The following COL4A6 variants were observed in gnomAD, a reference collection of about 807,000 sequenced individuals.
COL4A6 encodes collagen type IV alpha 6 chain, also known as collagen alpha-6(IV) chain.
COL4A6 carries 59 observed loss-of-function variants against 126.7 expected under a neutral mutation model. The observed-to-expected ratio is 0.47, with a 90% CI of 0.38 to 0.58. The LOEUF (loss-of-function observed/expected upper bound fraction) is 0.58, where lower values mean the gene tolerates loss of function less well. COL4A6 is among the 20% of genes least tolerant of loss of function. COL4A6 has a pLI of 0.00. For missense variants in COL4A6, 1,285 were observed against 1,337.3 expected (o/e 0.96, Z 0.61); for synonymous variants, 547 against 496.6 (o/e 1.10, Z -1.35).
intron 31 of COL4A6, 123 bp from the exon 32 acceptor site, chrX:108,172,655 T>C (rs760051556): frequency 2.6e-5 from 13 of 505,765 alleles, no homozygotes; most frequent in Non-Finnish European, 3.7e-5. Flanking sequence ...GTGGCAAGGG[T>C]GGACTGTGGG....
In COL4A6 at chrX:108,174,446, T is replaced by C; in HGVS notation, c.3132A>G (p.Gly1044=). The part of the protein sequence containing the change: ...SGITGFPGMP[G]ESGSQGIRGS... Reference sequence around the variant, plus strand: ...AAGATCTGGTCACACTTACACTTTCTCCTGGCATTCCTGGGAAACCTGTGA... The same window carrying C: ...AAGATCTGGTCACACTTACACTTTCCCCTGGCATTCCTGGGAAACCTGTGA... Residue 1044 remains glycine, a synonymous_variant, in exon 31 of 45, where the codon GGA becomes GGG. Transcript: ENST00000334504. The C allele has an allele frequency of 8.3e-7, 1 of 1,210,534 alleles. No individual in the cohort carries two copies. The highest frequency in any genetic ancestry group is 1.7e-5 in the African/African-American group (1 of 57,536).
chrX:108,205,331 C>T, intron 11 of COL4A6, 108 bp downstream of exon 11: 3 of 661,017 alleles, frequency 4.5e-6, no homozygotes, highest in Non-Finnish European at 7.3e-6. Context: ...ATATTCATTT[C>T]CCAAGGCGAA....
At chrX:108,196,622 TG>T (rs2035227244) in intron 13 of COL4A6, 43 bp from the exon 14 acceptor site, 1 of 1,077,787 alleles carries the variant, frequency 9.3e-7, no homozygotes, top group African/African-American at 1.8e-5. Flanking sequence ...TTTGTTTTCT[TG>T]TCGGTCTCCT....
intron 8 of COL4A6, among the ~76,000 whole-genome samples, chrX:108,207,631 T>C (rs925914361): frequency 8.9e-6 from 1 of 112,057 alleles, no homozygotes; most frequent in Non-Finnish European, 1.9e-5. Flanking sequence ...GAAATTTTTT[T>C]TTTATAAAAG....
chrX:108,279,914 AG>A (rs1183187215), intron 3 of COL4A6, among the ~76,000 whole-genome samples: 2 of 111,611 alleles, frequency 1.8e-5, no homozygotes, highest in Non-Finnish European at 3.8e-5. Context: ...AACGAAATGA[AG>A]GCAGAATTAA....
intron 5 of COL4A6, 77 bp from the exon 6 acceptor site, chrX:108,214,305 G>A (rs1301317560): frequency 1.5e-6 from 1 of 686,911 alleles, no homozygotes; most frequent in Non-Finnish European, 2.2e-6. Context: ...AGCGAGAAAA[G>A]CCAAGCATGC....
chrX:108,167,946 T>C, intron 37 of COL4A6, among the ~76,000 whole-genome samples: 1 of 111,840 alleles, frequency 8.9e-6, no homozygotes, highest in East Asian at 2.8e-4. Flanking sequence ...CTCCTGAATT[T>C]TGTTCATCAT....
At chrX:108,424,121 A>T (rs980404951) in intron 2 of COL4A6, among the ~76,000 whole-genome samples, 1 of 111,669 alleles carries the variant, frequency 9.0e-6, no homozygotes, top group Non-Finnish European at 1.9e-5. Flanking sequence ...GCAAAAGAAA[A>T]CCCGATTGAT....
chrX:108,171,381 C>A lies in COL4A6; in HGVS notation c.3277+6G>T, dbSNP rs775836782. The A allele has an allele frequency of 8.3e-7, 1 of 1,207,027 alleles. No homozygotes were observed. Among genetic ancestry groups the A allele is most frequent in the African/African-American group, 1.7e-5 (1 of 57,593 alleles). ...GGCAAACAAGACAAAAATATAGCAA[C>A]CTTACCTTTAAAACCAGATTCGCCA... On this transcript the variant is annotated splice_donor_region_variant and intron_variant, in intron 33 of 44. Transcript: ENST00000334504.
chrX:108,189,890 ATAAT>A (rs2034984953), intron 20 of COL4A6, among the ~76,000 whole-genome samples: 1 of 112,087 alleles, frequency 8.9e-6, no homozygotes, highest in Non-Finnish European at 1.9e-5. Flanking sequence ...AGCCACAACC[ATAAT>A]TAATTGACTT....
chrX:108,178,516 T>C (rs2034570844), intron 27 of COL4A6, among the ~76,000 whole-genome samples, 168 bp downstream of exon 27: 1 of 112,576 alleles, frequency 8.9e-6, no homozygotes, highest in Non-Finnish European at 1.9e-5. Context: ...TCTGTTCTGC[T>C]TGGTACTGCA....
chrX:108,180,624 T>G lies in COL4A6; in HGVS notation c.2024-2A>C, dbSNP rs951661134. On this transcript the variant is annotated splice_acceptor_variant, in intron 24 of 44. Coordinates refer to ENST00000334504, the MANE Select transcript of COL4A6 (RefSeq NM_033641.4). LOFTEE classifies it high-confidence loss of function. ...GGAGGCCTCGAGACCCTTTAGGGCC[T>G]GAAAACCCAAATGTAAGCAATGAGG... The G allele has an allele frequency of 4.3e-6, 5 of 1,167,133 alleles. No homozygotes were observed. The highest frequency in any genetic ancestry group is 4.6e-6 in the Non-Finnish European group (4 of 871,972).
chrX:108,439,323 A>G, upstream of COL4A6: 1 of 702,250 alleles, frequency 1.4e-6, no homozygotes, highest in Non-Finnish European at 2.1e-6. Flanking sequence ...TATAACACAC[A>G]TAAAGTATTC....
chrX:108,279,851 G>A (rs766444185), intron 3 of COL4A6, among the ~76,000 whole-genome samples: 11 of 111,489 alleles, frequency 9.9e-5, no homozygotes, highest in South Asian at 3.8e-4. Context: ...AATCAAAACC[G>A]CACAACTACA....
chrX:108,373,328 T>C (rs1159282765), intron 2 of COL4A6, among the ~76,000 whole-genome samples: 1 of 112,157 alleles, frequency 8.9e-6, no homozygotes, highest in Non-Finnish European at 1.9e-5. Flanking sequence ...TGAGGTCTAC[T>C]GAAAACTTGA....
chrX:108,439,330 A>G (rs1239685526), upstream of COL4A6: 2 of 733,746 alleles, frequency 2.7e-6, no homozygotes, highest in South Asian at 5.6e-5. Flanking sequence ...CACATAAAGT[A>G]TTCACGCACA....
chrX:108,354,605 C>A (rs1315497598), intron 2 of COL4A6, among the ~76,000 whole-genome samples: 23 of 93,060 alleles, frequency 2.5e-4, no homozygotes, highest in African/African-American at 3.6e-4. Flanking sequence ...CCCTCCCCCC[C>A]CCCTTTTTTT....
intron 3 of COL4A6, among the ~76,000 whole-genome samples, chrX:108,274,995 G>A (rs1385703775): frequency 6.3e-5 from 7 of 110,953 alleles, no homozygotes; most frequent in Non-Finnish European, 1.3e-4. Context: ...GCGGGGGTGG[G>A]AGTCTTAGAA....
intron 2 of COL4A6, among the ~76,000 whole-genome samples, chrX:108,428,271 G>C (rs73638843): frequency 0.078 from 8,763 of 112,047 alleles, 732 homozygotes; most frequent in African/African-American, 0.25. Flanking sequence ...GGCCCTTGGG[G>C]CACAAGTTGG....
Sources: allele counts gnomAD v4.1 joint callset (sites outside exome capture counted in the v4.1 genomes callset), GRCh38; gene constraint gnomAD v4.1.1; transcripts MANE v1.5; gene names NCBI Gene and HGNC (gene_info 2026-07-23, HGNC 2026-07-21).